ITPR1: variants seen among roughly 807,000 people sequenced by gnomAD.
The protein encoded by ITPR1 is inositol 1,4,5-trisphosphate-gated calcium channel ITPR1.
ITPR1 carries 96 observed loss-of-function variants against 318.4 expected under a neutral mutation model. The observed-to-expected ratio is 0.30, with a 90% CI of 0.26 to 0.36. ITPR1 has a LOEUF of 0.36. ITPR1 is among the 10% of genes least tolerant of loss of function. ITPR1 has a pLI of 1.00. For synonymous variants in ITPR1, 1,312 were observed against 1,289.9 expected (o/e 1.02, Z -0.37); for missense variants, 2,440 against 3,460.2 (o/e 0.71, Z 7.40).
Position 4,711,815 on chromosome 3 carries a change from G to A in ITPR1, c.5050G>A (p.Val1684Ile). 1 of 1,553,354 alleles carries A rather than the reference G, an allele frequency of 6.4e-7. No homozygotes were observed. Among genetic ancestry groups the A allele is most frequent in the Non-Finnish European group, 8.7e-7 (1 of 1,147,362 alleles). ...EENEEKLCIK[V>I]LQTLREMMTK... ...AAATGAAGAGAAGCTCTGCATTAAGGTCCTACAGACCCTGAGGGAAATGAT... is the reference window on the plus strand; with the variant it reads ...AAATGAAGAGAAGCTCTGCATTAAGATCCTACAGACCCTGAGGGAAATGAT... Residue 1684 changes from valine to isoleucine, a missense_variant, in exon 39 of 62, where the codon GTC (valine) becomes ATC (isoleucine). Transcript: ENST00000649015.
At chr3:4,817,346 C>G (rs1276100029) in intron 59 of ITPR1, 1 of 152,228 alleles carries the variant, frequency 6.6e-6, no homozygotes, top group East Asian at 1.9e-4. Context: ...GTGTATGCAT[C>G]TGCATATGTG....
At chr3:4,802,345 A>AT (rs922222806) in intron 54 of ITPR1, among the ~76,000 whole-genome samples, 2 of 152,208 alleles carry the variant, frequency 1.3e-5, no homozygotes, top group Non-Finnish European at 2.9e-5. Context: ...GAGCCAAGAA[A>AT]TGGTCCATAC....
intron 4 of ITPR1, among the ~76,000 whole-genome samples, chr3:4,555,809 G>A (rs2086064774): frequency 6.6e-6 from 1 of 152,136 alleles, no homozygotes; most frequent in Non-Finnish European, 1.5e-5. Context: ...TATTCTAAAT[G>A]CTGTACAAGT....
At chr3:4,651,054 C>A (rs1212740851) in intron 10 of ITPR1, among the ~76,000 whole-genome samples, 1 of 152,064 alleles carries the variant, frequency 6.6e-6, no homozygotes, top group Non-Finnish European at 1.5e-5. Context: ...AGGTTAACTC[C>A]CCTTCCAAGA....
rs1248702584 is a variant in ITPR1, at chr3:4,711,844, C to A, written c.5079C>A (p.Thr1693=). Residue 1693 remains threonine, a synonymous_variant, in exon 39 of 62, where the codon ACC becomes ACA. Transcript: ENST00000649015. ...TACAGACCCTGAGGGAAATGATGACCAAAGATAGAGGCTATGGAGAAAAGG... is the reference window on the plus strand; with the variant it reads ...TACAGACCCTGAGGGAAATGATGACAAAAGATAGAGGCTATGGAGAAAAGG... ...KVLQTLREMM[T]KDRGYGEKLI... is the part of the protein sequence containing the mutation. 6.5e-7 allele frequency: 1 copy of A among 1,527,208 alleles called. No individual in the cohort carries two copies. The highest frequency in any genetic ancestry group is 8.9e-7 in the Non-Finnish European group (1 of 1,128,646). The allele number at this position is 1,527,208 out of a possible 1,614,324, so 94.6% of individuals were successfully genotyped here.
intron 23 of ITPR1, 27 bp from the exon 24 acceptor site, chr3:4,676,587 A>T: frequency 6.3e-7 from 1 of 1,591,050 alleles, no homozygotes; most frequent in Non-Finnish European, 8.6e-7. Flanking sequence ...AGACATTGTG[A>T]CCGTGGTCTC....
intron 2 of ITPR1, among the ~76,000 whole-genome samples, chr3:4,498,996 T>C (rs1436634917): frequency 1.3e-5 from 2 of 152,214 alleles, no homozygotes; most frequent in Non-Finnish European, 2.9e-5. Flanking sequence ...TTGTTACTTA[T>C]TACATAAGAT....
Position 4,680,570 on chromosome 3 carries a change from G to A in ITPR1, c.2985G>A (p.Arg995=), listed in dbSNP as rs757001574. ...IEILQFILNV[R]LDYRISCLLC... is the part of the protein sequence containing the mutation. ...ATCTTTAGTTTATTTTGAATGTGAGGTTGGATTATAGGATCTCCTGCCTCC... is the reference window on the plus strand; with the variant it reads ...ATCTTTAGTTTATTTTGAATGTGAGATTGGATTATAGGATCTCCTGCCTCC... Residue 995 remains arginine, a synonymous_variant, in exon 25 of 62, where the codon AGG becomes AGA. Coordinates refer to ENST00000649015, the MANE Select transcript of ITPR1 (RefSeq NM_001378452.1). The A allele has an allele frequency of 1.9e-6, 3 of 1,613,206 alleles. No homozygotes were observed. Among genetic ancestry groups the A allele is most frequent in the Non-Finnish European group, 2.5e-6 (3 of 1,179,306 alleles).
intron 2 of ITPR1, among the ~76,000 whole-genome samples, chr3:4,510,607 A>C (rs925652501): frequency 1.3e-5 from 2 of 152,218 alleles, no homozygotes; most frequent in Non-Finnish European, 2.9e-5. Context: ...TGTGCTAGGC[A>C]TTGGTGTTTG....
At chr3:4,677,013 T>A (rs2094198735) in intron 24 of ITPR1, among the ~76,000 whole-genome samples, 1 of 152,180 alleles carries the variant, frequency 6.6e-6, no homozygotes, top group African/African-American at 2.4e-5. Context: ...CCTCCAGCCA[T>A]GTCAAGACTT....
At chr3:4,768,821 C>G in intron 46 of ITPR1, 57 bp downstream of exon 46, 1 of 1,540,892 alleles carries the variant, frequency 6.5e-7, no homozygotes, top group Non-Finnish European at 8.9e-7. Context: ...CCAAGGCCTG[C>G]CTTCCTCTGA....
At chr3:4,752,913 A>G in intron 44 of ITPR1, among the ~76,000 whole-genome samples, 1 of 152,202 alleles carries the variant, frequency 6.6e-6, no homozygotes, top group Non-Finnish European at 1.5e-5. Context: ...AGGAGCTTAC[A>G]GTCTTGTGGG....
At chr3:4,528,033 C>T (rs2083122877) in intron 4 of ITPR1, among the ~76,000 whole-genome samples, 1 of 152,278 alleles carries the variant, frequency 6.6e-6, no homozygotes, top group African/African-American at 2.4e-5. Flanking sequence ...TGTCAATAGC[C>T]TACTTCTCTG....
chr3:4,611,931 T>C (rs67805275), intron 4 of ITPR1, among the ~76,000 whole-genome samples: 20,101 of 148,054 alleles, frequency 0.14, 1,989 homozygotes, highest in East Asian at 0.46. Flanking sequence ...TGGCTTTCCA[T>C]GTCTGAAGGT....
At chr3:4,678,832 T>G (rs746183709) in intron 24 of ITPR1, among the ~76,000 whole-genome samples, 3 of 152,138 alleles carry the variant, frequency 2.0e-5, no homozygotes, top group Non-Finnish European at 4.4e-5. Context: ...TGGGCAGTTC[T>G]TGCTGAGCAG....
At chr3:4,747,782 C>G (rs549609137) in intron 44 of ITPR1, among the ~76,000 whole-genome samples, 20 of 152,314 alleles carry the variant, frequency 1.3e-4, no homozygotes, top group African/African-American at 4.8e-4. Flanking sequence ...TACAGAACTT[C>G]CTCACTGTGG....
intron 4 of ITPR1, among the ~76,000 whole-genome samples, chr3:4,595,700 G>C (rs1435978583): frequency 8.8e-6 from 1 of 113,390 alleles, no homozygotes; most frequent in East Asian, 5.5e-4. Context: ...GTAGGAGCTG[G>C]GGGTTGCAGG....
chr3:4,737,662 C>G (rs2125324586), intron 44 of ITPR1, among the ~76,000 whole-genome samples: 1 of 152,250 alleles, frequency 6.6e-6, no homozygotes, highest in South Asian at 2.1e-4. Flanking sequence ...GACAGGTAAA[C>G]TGAGGAAAGC....
chr3:4,672,653 C>T (rs750712), intron 20 of ITPR1, among the ~76,000 whole-genome samples: 67,732 of 151,974 alleles, frequency 0.45, 15,655 homozygotes, highest in Non-Finnish European at 0.51. Context: ...TTTTTTTACA[C>T]GTGTAGGAAT....
Sources: allele counts gnomAD v4.1 joint callset (sites outside exome capture counted in the v4.1 genomes callset), GRCh38; gene constraint gnomAD v4.1.1; transcripts MANE v1.5; gene names NCBI Gene and HGNC (gene_info 2026-07-23, HGNC 2026-07-21).